ATRNL1: variants seen among roughly 807,000 people sequenced by gnomAD.
ATRNL1 encodes the protein attractin like 1.
ATRNL1 carries 95 observed loss-of-function variants against 182.7 expected under a neutral mutation model. The ratio of observed to expected loss-of-function variants is 0.52; its 90% CI spans 0.44 to 0.62. ATRNL1 has a LOEUF of 0.62. Ranked by LOEUF, ATRNL1 falls within the 20% of genes least tolerant of loss-of-function variation. The pLI is 0.00. For missense variants in ATRNL1, 1,471 were observed against 1,679.5 expected, an observed-to-expected ratio of 0.88 and a Z score of 2.17; for synonymous variants, 576 against 568.3, an observed-to-expected ratio of 1.01 and a Z score of -0.19.
chr10:115,205,652 G>C lies in ATRNL1; in HGVS notation c.1349-10045G>C, dbSNP rs547140841. Among the ~76,000 whole-genome samples the C allele has an allele frequency of 2.0e-5, 3 of 151,764 alleles. No individual in the cohort carries two copies. In the South Asian group the frequency reaches 6.2e-4, roughly 31 times the overall value. On this transcript the variant is annotated intron_variant, in intron 8 of 28. Coordinates refer to ENST00000355044, the MANE Select transcript of ATRNL1 (RefSeq NM_207303.4). ...ATCTCTTTGTAATTTTTAAGTGATT[G>C]CTCCATAAATTAAAAAGTAATACTT...
At chr10:115,682,424 C>T (rs569612402) in intron 26 of ATRNL1, among the ~76,000 whole-genome samples, 2 of 152,124 alleles carry the variant, frequency 1.3e-5, no homozygotes, top group South Asian at 4.1e-4. Flanking sequence ...GTAATCCCAG[C>T]GACTTGGGGG....
At chr10:115,693,996 A>G (rs144666321) in intron 26 of ATRNL1, among the ~76,000 whole-genome samples, 53 of 152,220 alleles carry the variant, frequency 3.5e-4, no homozygotes, top group African/African-American at 8.7e-4. Flanking sequence ...TGTAAGTCAA[A>G]TGACTATCCA....
rs187451549 is a variant in ATRNL1, at chr10:115,858,542, G to A, written c.4018+10551G>A. 6.9e-3 allele frequency among the ~76,000 whole-genome samples: 1,056 copies of A among 152,298 alleles called. 4 individuals are homozygous for A. Among genetic ancestry groups the A allele is most frequent in the Non-Finnish European group, 0.012 (840 of 68,012 alleles). The stretch of plus-strand genomic sequence containing the variant: ...CAACATACACTGGAGCCTGTCGGGG[G>A]AGAGAGGGGTTGTGGAGAGAGCATT... On this transcript the variant is annotated intron_variant, in intron 28 of 28. Coordinates refer to ENST00000355044, the MANE Select transcript of ATRNL1 (RefSeq NM_207303.4).
chr10:115,260,128 C>T (rs1223930993), intron 10 of ATRNL1, among the ~76,000 whole-genome samples: 2 of 152,112 alleles, frequency 1.3e-5, no homozygotes, highest in Admixed American at 1.3e-4. Context: ...AATTAATTGC[C>T]TTCATGTATA....
chr10:115,471,624 T>C (rs1204730314), intron 24 of ATRNL1, among the ~76,000 whole-genome samples: 1 of 151,232 alleles, frequency 6.6e-6, no homozygotes, highest in Non-Finnish European at 1.5e-5. Context: ...CATATACCTA[T>C]TGGTCATTTG....
chr10:115,622,881 C>G (rs1441172410), intron 26 of ATRNL1, among the ~76,000 whole-genome samples: 1 of 151,862 alleles, frequency 6.6e-6, no homozygotes, highest in Middle Eastern at 3.4e-3. Context: ...GAGCCGAGAT[C>G]GCGCCACTCC....
intron 25 of ATRNL1, among the ~76,000 whole-genome samples, chr10:115,537,414 T>C (rs1852096163): frequency 2.0e-5 from 3 of 152,236 alleles, no homozygotes; most frequent in Admixed American, 2.0e-4. Flanking sequence ...GTTATAGGTA[T>C]CACTATTTAA....
At chr10:115,763,071 C>A (rs966384914) in intron 27 of ATRNL1, among the ~76,000 whole-genome samples, 1 of 152,054 alleles carries the variant, frequency 6.6e-6, no homozygotes, top group Non-Finnish European at 1.5e-5. Flanking sequence ...AGTTATCATG[C>A]AATAAATATA....
intron 8 of ATRNL1, among the ~76,000 whole-genome samples, chr10:115,197,575 C>T (rs188771183): frequency 2.0e-3 from 298 of 152,120 alleles, no homozygotes; most frequent in African/African-American, 6.8e-3. Flanking sequence ...ACAGGGTTTT[C>T]TCCCTTTTTA....
chr10:115,275,928 A>G (rs114332070), intron 13 of ATRNL1, among the ~76,000 whole-genome samples: 1,782 of 152,338 alleles, frequency 0.012, 32 homozygotes, highest in African/African-American at 0.039. Flanking sequence ...ACTAACAGAA[A>G]GAGCCCTTTC....
chr10:115,629,573 A>G (rs1858346094), intron 26 of ATRNL1, among the ~76,000 whole-genome samples: 1 of 152,138 alleles, frequency 6.6e-6, no homozygotes, highest in African/African-American at 2.4e-5. Flanking sequence ...CCCAGTGAAA[A>G]TAAATGAGGA....
chr10:115,533,567 T>G (rs1238703897), intron 25 of ATRNL1, among the ~76,000 whole-genome samples: 3 of 152,190 alleles, frequency 2.0e-5, no homozygotes, highest in African/African-American at 4.8e-5. Context: ...CTGGATTCAT[T>G]AATTTTTTGA....
chr10:115,254,633 T>G lies in ATRNL1; in HGVS notation c.1688-10560T>G, dbSNP rs183933499. 3.8e-3 allele frequency among the ~76,000 whole-genome samples: 575 copies of G among 152,348 alleles called. 4 individuals are homozygous for G. The highest frequency in any genetic ancestry group is 6.9e-3 in the Admixed American group (106 of 15,304). ...TTTCTTTTGCTGTGCAGAAGCTCTT[T>G]AGTTTAATTAGATTCCATTTGTCAA... On this transcript the variant is annotated intron_variant, in intron 10 of 28. Transcript: ENST00000355044.
intron 25 of ATRNL1, among the ~76,000 whole-genome samples, chr10:115,535,806 T>G (rs1315815120): frequency 6.6e-6 from 1 of 152,122 alleles, no homozygotes; most frequent in African/African-American, 2.4e-5. Flanking sequence ...TCCTTTCTGT[T>G]TGTTAGTTTT....
intron 21 of ATRNL1, among the ~76,000 whole-genome samples, chr10:115,445,506 C>CGTGTGTGT (rs57237450): frequency 5.0e-4 from 60 of 119,272 alleles, no homozygotes; most frequent in African/African-American, 1.2e-3. Context: ...CTCATTTGTC[C>CGTGTGTGT]GTGTGTGTGT....
At chr10:115,527,372 C>T (rs528378277) in intron 25 of ATRNL1, among the ~76,000 whole-genome samples, 4 of 152,154 alleles carry the variant, frequency 2.6e-5, no homozygotes, top group South Asian at 2.1e-4. Flanking sequence ...CCGCTCACCT[C>T]GGCCTTCCAA....
intron 18 of ATRNL1, among the ~76,000 whole-genome samples, chr10:115,320,374 G>A (rs1212643656): frequency 6.6e-6 from 1 of 151,912 alleles, no homozygotes; most frequent in Non-Finnish European, 1.5e-5. Flanking sequence ...ATGTGTCTTT[G>A]GTTGATCTTC....
chr10:115,417,474 A>T (rs893139003), intron 20 of ATRNL1, among the ~76,000 whole-genome samples: 1 of 152,156 alleles, frequency 6.6e-6, no homozygotes, highest in African/African-American at 2.4e-5. Context: ...TGAGGGATCC[A>T]GTCTGACCCC....
chr10:115,301,967 A>T lies in ATRNL1; in HGVS notation c.2742A>T (p.Arg914=), dbSNP rs1399786493. The change falls in exon 17 of 29, where the codon CGA becomes CGT. Residue 914 remains arginine (R), a synonymous_variant. Transcript: ENST00000355044. The stretch of plus-strand genomic sequence containing the variant: ...GTATGTGGTGCAGCAGTACGAAACG[A>T]TGTGTTGACTCTAATGCCTATATCA... The part of the protein sequence containing the change: ...MECMWCSSTK[R]CVDSNAYIIS... 1.9e-6 allele frequency: 3 copies of T among 1,614,014 alleles called. No homozygotes were observed. Among genetic ancestry groups the T allele is most frequent in the Non-Finnish European group, 2.5e-6 (3 of 1,179,982 alleles).
Sources: gnomAD v4.1 joint callset for allele counts (sites outside exome capture counted in the v4.1 genomes callset) on GRCh38, gnomAD v4.1.1 for gene constraint, MANE v1.5 for transcripts, NCBI Gene and HGNC (gene_info 2026-07-23, HGNC 2026-07-21) for gene names.